CLCN5: variants seen among roughly 807,000 people sequenced by gnomAD.
CLCN5 encodes the protein H(+)/Cl(-) exchange transporter 5.
In CLCN5, 17 loss-of-function variants were observed where a neutral mutation model predicts 54.0. The ratio of observed to expected loss-of-function variants is 0.31; its 90% CI spans 0.22 to 0.47. The LOEUF (loss-of-function observed/expected upper bound fraction) is 0.47. Among genes scored for constraint, CLCN5 ranks in the 20% least tolerant of loss-of-function variants. The probability of loss-of-function intolerance (pLI) is 1.00; values close to 1 mark genes in which losing one functional copy is unlikely to be tolerated. For synonymous variants in CLCN5, 222 were observed against 233.0 expected, an observed-to-expected ratio of 0.95 and a Z score of 0.43; for missense variants, 448 against 646.7, an observed-to-expected ratio of 0.69 and a Z score of 3.33.
chrX:49,941,443 C>G (rs782793922), intron 3 of CLCN5, among the ~76,000 whole-genome samples: 10 of 111,631 alleles, frequency 9.0e-5, no homozygotes, highest in Admixed American at 3.8e-4. Context: ...CAACATCCTC[C>G]GTGCAGGGCA....
At chrX:50,091,483 A>G (rs1170877965) in intron 14 of CLCN5, among the ~76,000 whole-genome samples, 3 of 111,848 alleles carry the variant, frequency 2.7e-5, no homozygotes, top group Non-Finnish European at 5.6e-5. Context: ...CAGCAATTAT[A>G]TAAGAATTTC....
intron 5 of CLCN5, 24 bp from the exon 6 acceptor site, chrX:50,072,465 C>T (rs1557191614): frequency 9.6e-7 from 1 of 1,039,153 alleles, no homozygotes. Context: ...TAGAGTGTAC[C>T]AATGTTTTCT....
intron 5 of CLCN5, 32 bp from the exon 6 acceptor site, chrX:50,072,457 G>C: frequency 1.0e-6 from 1 of 974,230 alleles, no homozygotes; most frequent in African/African-American, 1.9e-5. Context: ...GGTGTGTGTA[G>C]AGTGTACCAA....
intron 3 of CLCN5, among the ~76,000 whole-genome samples, chrX:49,992,948 G>C (rs1929337700): frequency 8.9e-6 from 1 of 111,844 alleles, no homozygotes; most frequent in Non-Finnish European, 1.9e-5. Flanking sequence ...TCATTTCCTT[G>C]AGCTAACTAG....
chrX:50,050,821 G>C (rs1488076719), intron 4 of CLCN5, among the ~76,000 whole-genome samples: 1 of 108,755 alleles, frequency 9.2e-6, no homozygotes, highest in African/African-American at 3.4e-5. Context: ...CTGCCACCAC[G>C]CCTGGCTAAT....
In CLCN5 at chrX:50,096,721, T is replaced by C. The variant is rs1465211268; in HGVS notation, c.*4502T>C. ...AAGCCCTGGTAAGAAAATATTTGAA[T>C]GGTGTAAGATGGTGGAAGGAAAGCC... On this transcript the variant is annotated 3_prime_UTR_variant, in exon 15 of 15. Coordinates refer to ENST00000376091, the MANE Select transcript of CLCN5 (RefSeq NM_001127898.4). The C allele has an allele frequency of 1.4e-4, 16 of 112,593 alleles. No individual in the cohort carries two copies. The highest frequency in any genetic ancestry group is 4.9e-4 in the African/African-American group (15 of 30,678). The allele number at this position is 112,593 out of a possible 1,213,427, so 9.3% of individuals were successfully genotyped here.
intron 3 of CLCN5, among the ~76,000 whole-genome samples, chrX:49,955,109 CTAAT>C (rs1557173750): frequency 9.0e-6 from 1 of 111,375 alleles, no homozygotes; most frequent in East Asian, 2.8e-4. Flanking sequence ...CTCAGAGTCT[CTAAT>C]TAAGTAAATA....
intron 7 of CLCN5, 31 bp downstream of exon 7, chrX:50,076,013 G>T (rs372969620): frequency 2.1e-5 from 24 of 1,145,133 alleles, no homozygotes; most frequent in Non-Finnish European, 6.0e-6. Flanking sequence ...ATGAGCCATT[G>T]ACTTTTCTTC....
chrX:50,085,149 C>G (rs1373178116), intron 9 of CLCN5, among the ~76,000 whole-genome samples: 1 of 111,923 alleles, frequency 8.9e-6, no homozygotes, highest in Non-Finnish European at 1.9e-5. Context: ...TCAACTTTCT[C>G]TAAAATATTT....
chrX:49,977,355 T>C (rs1557177063), intron 3 of CLCN5, among the ~76,000 whole-genome samples: 1 of 111,724 alleles, frequency 9.0e-6, no homozygotes, highest in African/African-American at 3.3e-5. Flanking sequence ...TTTGTGAATA[T>C]ATATGTGTCA....
At chrX:50,045,091 CT>C (rs1569539319) in intron 4 of CLCN5, among the ~76,000 whole-genome samples, 1 of 111,110 alleles carries the variant, frequency 9.0e-6, no homozygotes, top group Non-Finnish European at 1.9e-5. Flanking sequence ...GGGAATAATA[CT>C]TTAGTTAGGA....
rs145629523 is a variant in CLCN5 at position 50,011,425 on chromosome X, G to A, written c.17-30891G>A. 7.2e-3 allele frequency among the ~76,000 whole-genome samples: 809 copies of A among 112,406 alleles called. 5 individuals carry two copies. Among genetic ancestry groups the A allele is most frequent in the Non-Finnish European group, 0.012 (614 of 53,215 alleles). ...ATAGGCCACTGTTCAAAAGAATGAAGTAGATCTATATGTTCCTTGTTACCC... is the reference window on the plus strand; with the variant it reads ...ATAGGCCACTGTTCAAAAGAATGAAATAGATCTATATGTTCCTTGTTACCC... On this transcript the variant is annotated intron_variant, in intron 3 of 14. Coordinates refer to ENST00000376091, the MANE Select transcript of CLCN5 (RefSeq NM_001127898.4).
chrX:50,048,011 C>T (rs1202907719), intron 4 of CLCN5, among the ~76,000 whole-genome samples: 1 of 111,969 alleles, frequency 8.9e-6, no homozygotes, highest in Non-Finnish European at 1.9e-5. Flanking sequence ...GAAGTCACTG[C>T]GTAGAACAGC....
At chrX:49,980,756 G>A (rs1928692750) in intron 3 of CLCN5, among the ~76,000 whole-genome samples, 1 of 111,314 alleles carries the variant, frequency 9.0e-6, no homozygotes, top group South Asian at 3.7e-4. Flanking sequence ...GTTTTATTAG[G>A]AAGCTAATAG....
At chrX:49,973,614 A>C (rs782241387) in intron 3 of CLCN5, among the ~76,000 whole-genome samples, 18 of 108,918 alleles carry the variant, frequency 1.7e-4, no homozygotes, top group African/African-American at 5.7e-4. Flanking sequence ...CAATTCAATG[A>C]TCTTAAGTAT....
chrX:50,086,272 C>T, intron 10 of CLCN5, 56 bp from the exon 11 acceptor site: 2 of 1,115,125 alleles, frequency 1.8e-6, no homozygotes, highest in Non-Finnish European at 2.4e-6. Context: ...CAACATTTCA[C>T]CTGAAATAGT....
intron 3 of CLCN5, among the ~76,000 whole-genome samples, chrX:49,982,123 A>C (rs1302456501): frequency 8.1e-5 from 9 of 111,244 alleles, no homozygotes; most frequent in African/African-American, 2.9e-4. Context: ...GAAAAAAAAA[A>C]CAGTTGGAAG....
In CLCN5 at chrX:50,065,146, C is replaced by A. The variant is rs1331293428; in HGVS notation, c.164-4733C>A. On this transcript the variant is annotated intron_variant, in intron 4 of 14. Coordinates refer to ENST00000376091, the MANE Select transcript of CLCN5 (RefSeq NM_001127898.4). Reference sequence around the variant, plus strand: ...ACACCAAAAGCAATGGCAACAAAAGCCAAAATTGACAAATGGGATCTAATT... The same window carrying A: ...ACACCAAAAGCAATGGCAACAAAAGACAAAATTGACAAATGGGATCTAATT... Among the ~76,000 whole-genome samples, 512 of 77,722 alleles carry A rather than the reference C, an allele frequency of 6.6e-3. 1 individual carries two copies. Among genetic ancestry groups the A allele is most frequent in the African/African-American group, 0.013 (238 of 18,105 alleles). The allele number at this position is 77,722 out of a possible 115,157, so 67.5% of individuals were successfully genotyped here.
intron 9 of CLCN5, among the ~76,000 whole-genome samples, chrX:50,084,789 G>A (rs1933831041): frequency 8.9e-6 from 1 of 111,942 alleles, no homozygotes; most frequent in Admixed American, 9.5e-5. Flanking sequence ...TTATGGCCTT[G>A]TCAAAGTGGG....
Sources: allele counts gnomAD v4.1 joint callset (sites outside exome capture counted in the v4.1 genomes callset), GRCh38; gene constraint gnomAD v4.1.1; transcripts MANE v1.5; gene names NCBI Gene and HGNC (gene_info 2026-07-23, HGNC 2026-07-21).